DNAH8: variants seen among roughly 807,000 people sequenced by gnomAD.
The protein encoded by DNAH8 is axonemal beta dynein heavy chain 8.
DNAH8 carries 382 observed loss-of-function variants against 562.1 expected under a neutral mutation model. The observed-to-expected ratio is 0.68, with a 90% CI of 0.63 to 0.74. DNAH8 has a LOEUF of 0.74. DNAH8 is among the 30% of genes least tolerant of loss of function. The probability of loss-of-function intolerance (pLI) is 0.00; values close to 1 mark genes in which losing one functional copy is unlikely to be tolerated. For synonymous variants in DNAH8, 1,881 were observed against 1,919.4 expected (o/e 0.98, Z 0.52); for missense variants, 5,203 against 5,620.4 (o/e 0.93, Z 2.37).
chr6:38,805,934 T>G (rs1771235408), intron 23 of DNAH8, among the ~76,000 whole-genome samples: 1 of 152,244 alleles, frequency 6.6e-6, no homozygotes, highest in Non-Finnish European at 1.5e-5. Flanking sequence ...TCAGTTGTTG[T>G]GTTTAATGGT....
At chr6:38,882,040 A>T (rs1367474361) in intron 53 of DNAH8, among the ~76,000 whole-genome samples, 1 of 152,162 alleles carries the variant, frequency 6.6e-6, no homozygotes, top group Non-Finnish European at 1.5e-5. Flanking sequence ...GCAATTTAAA[A>T]GCCAATTTAC....
chr6:38,951,731 A>T (rs1761920837), intron 82 of DNAH8, among the ~76,000 whole-genome samples: 1 of 152,162 alleles, frequency 6.6e-6, no homozygotes, highest in African/African-American at 2.4e-5. Context: ...CTCATCTAGC[A>T]TATAGTGTTT....
At chr6:38,955,645 A>T (rs955448920) in intron 82 of DNAH8, among the ~76,000 whole-genome samples, 2 of 152,090 alleles carry the variant, frequency 1.3e-5, no homozygotes. Flanking sequence ...ATAAATAAAT[A>T]AATAAATGTA....
intron 91 of DNAH8, among the ~76,000 whole-genome samples, chr6:39,015,788 T>C (rs1233609224): frequency 2.0e-5 from 3 of 152,240 alleles, no homozygotes; most frequent in Admixed American, 6.5e-5. Context: ...TTTCTTCAGT[T>C]CTGCTTTCAA....
chr6:38,781,837 C>G (rs2127640542), intron 16 of DNAH8, among the ~76,000 whole-genome samples: 1 of 152,210 alleles, frequency 6.6e-6, no homozygotes, highest in East Asian at 1.9e-4. Context: ...TTCTCTATGT[C>G]CTTCAGATTA....
chr6:38,752,418 C>T (rs746924314), intron 9 of DNAH8, among the ~76,000 whole-genome samples: 7 of 152,266 alleles, frequency 4.6e-5, no homozygotes, highest in Non-Finnish European at 8.8e-5. Flanking sequence ...CCCGCCTCCA[C>T]CTCCCAAAGT....
intron 5 of DNAH8, among the ~76,000 whole-genome samples, chr6:38,736,043 G>A (rs1167873875): frequency 6.6e-6 from 1 of 152,044 alleles, no homozygotes; most frequent in Non-Finnish European, 1.5e-5. Context: ...GAGGCTGAGA[G>A]AAGAGAATTG....
rs1476379780 is a variant in DNAH8, at chr6:38,722,834, G to A, written c.25G>A (p.Ala9Thr). The A allele has an allele frequency of 6.3e-7, 1 of 1,597,688 alleles. No individual in the cohort carries two copies. Among genetic ancestry groups the A allele is most frequent in the African/African-American group, 1.3e-5 (1 of 74,236 alleles). Residue 9 changes from alanine to threonine, a missense_variant, in exon 2 of 93, where the codon GCC (alanine) becomes ACC (threonine). By Grantham distance (58) the Ala-to-Thr change is moderately conservative (BLOSUM62 0). Around this residue, in one of 6 missense-constraint regions of DNAH8, gnomAD observed 556 missense variants for 496.9 expected, o/e 1.12. Coordinates refer to ENST00000327475, the MANE Select transcript of DNAH8 (RefSeq NM_001206927.2). ...GATGGAGAAGGATGCTGAAGATGGCGCCCCTTCTGAGGGAGCAGAGGCTCC... is the reference window on the plus strand; with the variant it reads ...GATGGAGAAGGATGCTGAAGATGGCACCCCTTCTGAGGGAGCAGAGGCTCC... Reference protein sequence around the residue: MEKDAEDGAPSEGAEAPPS... With the variant: MEKDAEDGTPSEGAEAPPS...
chr6:39,002,541 T>G (rs1765556841), intron 88 of DNAH8, among the ~76,000 whole-genome samples: 1 of 152,206 alleles, frequency 6.6e-6, no homozygotes, highest in African/African-American at 2.4e-5. Context: ...TCAAATGCCT[T>G]TTGTGTCATT....
chr6:38,757,803 G>A (rs1766070092), intron 10 of DNAH8, among the ~76,000 whole-genome samples: 1 of 152,060 alleles, frequency 6.6e-6, no homozygotes, highest in Non-Finnish European at 1.5e-5. Flanking sequence ...TCTTGTTTTT[G>A]TCAGGTTTGT....
chr6:38,887,070 T>C (rs1156721738), intron 57 of DNAH8, 66 bp downstream of exon 57: 1 of 1,192,884 alleles, frequency 8.4e-7, no homozygotes, highest in Non-Finnish European at 1.2e-6. Flanking sequence ...CAAAATTTCA[T>C]TTAAGAGACA....
chr6:39,015,998 G>A (rs540824063), intron 91 of DNAH8, among the ~76,000 whole-genome samples: 1 of 152,258 alleles, frequency 6.6e-6, no homozygotes, highest in East Asian at 1.9e-4. Flanking sequence ...TGACATGAGG[G>A]ACAAATTACT....
At chr6:38,900,285 C>A (rs909760934) in intron 62 of DNAH8, among the ~76,000 whole-genome samples, 1 of 152,196 alleles carries the variant, frequency 6.6e-6, no homozygotes, top group African/African-American at 2.4e-5. Flanking sequence ...TTGTGAGATT[C>A]ATCCATGATG....
At chr6:38,845,492 A>C in intron 35 of DNAH8, 82 bp from the exon 36 acceptor site, 2 of 841,894 alleles carry the variant, frequency 2.4e-6, no homozygotes, top group East Asian at 3.3e-5. Flanking sequence ...CCTTTCAAGC[A>C]AAAAAAAAAT....
intron 11 of DNAH8, chr6:38,764,242 T>G (rs1738179): frequency 0.095 from 14,622 of 154,274 alleles, 1,283 homozygotes; most frequent in East Asian, 0.44. Context: ...GACAAGCATC[T>G]AAGAATGCAG....
At chr6:38,730,129 A>C in intron 4 of DNAH8, 143 bp downstream of exon 4, 1 of 544,880 alleles carries the variant, frequency 1.8e-6, no homozygotes, top group Non-Finnish European at 3.2e-6. Flanking sequence ...ATAGTGTCTC[A>C]AGAACAATAC....
intron 21 of DNAH8, among the ~76,000 whole-genome samples, 161 bp downstream of exon 21, chr6:38,791,835 A>G (rs1769779091): frequency 6.6e-6 from 1 of 152,082 alleles, no homozygotes; most frequent in African/African-American, 2.4e-5. Context: ...CATGCCTTCA[A>G]TAGCAAGAGC....
At chr6:38,937,427 A>C (rs111686984) in intron 77 of DNAH8, among the ~76,000 whole-genome samples, 1,731 of 152,322 alleles carry the variant, frequency 0.011, 25 homozygotes, top group Middle Eastern at 0.037. Flanking sequence ...CATTTTCACT[A>C]TACCCAATTT....
At chr6:38,912,335 C>T (rs1454366421) in intron 66 of DNAH8, among the ~76,000 whole-genome samples, 1 of 152,038 alleles carries the variant, frequency 6.6e-6, no homozygotes, top group Non-Finnish European at 1.5e-5. Flanking sequence ...TGTGGTGGTG[C>T]ATGCCTGTAG....
Sources: allele counts gnomAD v4.1 joint callset (sites outside exome capture counted in the v4.1 genomes callset), GRCh38; gene constraint gnomAD v4.1.1; regional missense constraint gnomAD v4.1.1; transcripts MANE v1.5; gene names NCBI Gene and HGNC (gene_info 2026-07-23, HGNC 2026-07-21).